FARSB: variants seen among roughly 807,000 people sequenced by gnomAD.
FARSB encodes phenylalanine--tRNA ligase beta subunit.
Under a neutral mutation model 69.6 loss-of-function variants are expected in FARSB, and 40 were observed. The ratio of observed to expected loss-of-function variants is 0.57; its 90% CI spans 0.45 to 0.75. FARSB has a LOEUF of 0.75. Among genes scored for constraint, FARSB ranks in the 30% least tolerant of loss-of-function variants. The pLI is 0.00. For synonymous variants in FARSB, 235 were observed against 247.2 expected (o/e 0.95, Z 0.46); for missense variants, 632 against 722.9 (o/e 0.87, Z 1.44).
At chr2:222,642,742 C>A (rs16863954) in intron 3 of FARSB, 109 bp downstream of exon 3, 1 of 738,836 alleles carries the variant, frequency 1.4e-6, no homozygotes, top group Admixed American at 2.6e-5. Flanking sequence ...GCTAAAGCTA[C>A]GTTCCTCTAC....
chr2:222,599,368 A>G (rs553830619), intron 16 of FARSB, among the ~76,000 whole-genome samples: 1 of 152,348 alleles, frequency 6.6e-6, no homozygotes, highest in African/African-American at 2.4e-5. Flanking sequence ...CATATATACC[A>G]TTTAGTTAGC....
At chr2:222,645,283 T>A (rs1263930114) in intron 2 of FARSB, among the ~76,000 whole-genome samples, 2 of 152,188 alleles carry the variant, frequency 1.3e-5, no homozygotes, top group East Asian at 3.8e-4. Flanking sequence ...AGAACTCAAA[T>A]AATCTAACAT....
chr2:222,619,594 T>G (rs753603341), intron 14 of FARSB, 51 bp downstream of exon 14: 1 of 873,336 alleles, frequency 1.1e-6, no homozygotes, highest in African/African-American at 1.6e-5. Context: ...TCCTAACTCA[T>G]GTACTACCTC....
intron 16 of FARSB, among the ~76,000 whole-genome samples, chr2:222,591,111 A>T (rs1690261617): frequency 6.6e-6 from 1 of 151,260 alleles, no homozygotes; most frequent in South Asian, 2.1e-4. Context: ...GGAGGCTGAG[A>T]TGGGAGGATC....
chr2:222,600,112 G>T, intron 15 of FARSB, 29 bp from the exon 16 acceptor site: 1 of 1,578,462 alleles, frequency 6.3e-7, no homozygotes, highest in South Asian at 1.2e-5. Flanking sequence ...TGGTCACAAC[G>T]CTGTATTAAC....
chr2:222,640,760 C>CA (rs948738271), intron 4 of FARSB, 102 bp downstream of exon 4: 6,087 of 555,714 alleles, frequency 0.011, no homozygotes, highest in South Asian at 0.013. Flanking sequence ...TGTCTCAAAA[C>CA]AAAAAAAAAA....
intron 1 of FARSB, among the ~76,000 whole-genome samples, chr2:222,649,595 T>C (rs913720952): frequency 6.6e-6 from 1 of 152,252 alleles, no homozygotes; most frequent in African/African-American, 2.4e-5. Context: ...TCTTGGTATC[T>C]TGTGTCAACA....
intron 16 of FARSB, among the ~76,000 whole-genome samples, chr2:222,592,077 A>C (rs1690287791): frequency 1.3e-5 from 2 of 152,352 alleles, no homozygotes; most frequent in South Asian, 4.1e-4. Flanking sequence ...GAATTAAAAT[A>C]TGATTTGTAA....
chr2:222,634,576 G>A (rs2106230676), intron 5 of FARSB, 35 bp from the exon 6 acceptor site: 3 of 1,526,192 alleles, frequency 2.0e-6, no homozygotes, highest in South Asian at 1.2e-5. Context: ...AAGGAGGGAG[G>A]AAAGGAAAGG....
At chr2:222,619,565 T>A (rs994119907) in intron 14 of FARSB, 80 bp downstream of exon 14, 2 of 711,464 alleles carry the variant, frequency 2.8e-6, no homozygotes, top group Non-Finnish European at 5.2e-6. Flanking sequence ...ATCTCAGGTA[T>A]AATAACTGAA....
At chr2:222,582,270 C>T (rs905472432) in intron 16 of FARSB, among the ~76,000 whole-genome samples, 1 of 152,164 alleles carries the variant, frequency 6.6e-6, no homozygotes, top group Non-Finnish European at 1.5e-5. Context: ...CTATATGCTG[C>T]TACAGAATCA....
At chr2:222,655,963 G>A in intron 1 of FARSB, 53 bp downstream of exon 1, 1 of 1,402,982 alleles carries the variant, frequency 7.1e-7, no homozygotes, top group Non-Finnish European at 9.9e-7. Flanking sequence ...TTTGGAGGGA[G>A]GCCCTGCCTC....
In FARSB at chr2:222,656,076, T is replaced by C. The variant is rs199603071; in HGVS notation, c.-3A>G. The C allele has an allele frequency of 2.2e-3, 3,535 of 1,593,284 alleles. 10 individuals carry two copies. Among genetic ancestry groups the C allele is most frequent in the Middle Eastern group, 0.012 (75 of 6,016 alleles). ...CGCTTCACGCTGACAGTCGGCATGG[T>C]GTGTCGAACTCACTGCGCCTGCGCA... On this transcript the variant is annotated 5_prime_UTR_variant, in exon 1 of 17. Transcript: ENST00000281828.
intron 1 of FARSB, among the ~76,000 whole-genome samples, chr2:222,651,898 CAAG>C (rs1395243060): frequency 6.6e-6 from 1 of 152,198 alleles, no homozygotes; most frequent in African/African-American, 2.4e-5. Flanking sequence ...GGGTGGAAAC[CAAG>C]AGCCTAGAGG....
intron 15 of FARSB, among the ~76,000 whole-genome samples, chr2:222,609,438 C>T (rs1406734757): frequency 6.6e-6 from 1 of 152,210 alleles, no homozygotes; most frequent in Non-Finnish European, 1.5e-5. Context: ...TTCAATGCTG[C>T]GTCTGCTGAC....
At chr2:222,632,069 T>C (rs79963714) in intron 7 of FARSB, among the ~76,000 whole-genome samples, 17,034 of 151,890 alleles carry the variant, frequency 0.11, 1,025 homozygotes, top group Non-Finnish European at 0.13. Flanking sequence ...CATGGTGCAA[T>C]GGCACGAGAG....
intron 15 of FARSB, 102 bp downstream of exon 15, chr2:222,613,709 G>T: frequency 1.4e-6 from 1 of 707,668 alleles, no homozygotes; most frequent in Non-Finnish European, 2.4e-6. Flanking sequence ...GTACATAGGG[G>T]CTAATTATAC....
chr2:222,632,852 AC>A (rs1288359579), intron 7 of FARSB, among the ~76,000 whole-genome samples: 19 of 151,858 alleles, frequency 1.3e-4, no homozygotes, highest in African/African-American at 3.9e-4. Flanking sequence ...AAAAAAAAAA[AC>A]AAAAGAAAAA....
At chr2:222,609,911 A>G (rs874363) in intron 15 of FARSB, among the ~76,000 whole-genome samples, 6,503 of 152,292 alleles carry the variant, frequency 0.043, 215 homozygotes, top group African/African-American at 0.094. Context: ...TTTGGAAGAC[A>G]TGCTTGCCCA....
Sources: allele counts gnomAD v4.1 joint callset (sites outside exome capture counted in the v4.1 genomes callset), GRCh38; gene constraint gnomAD v4.1.1; transcripts MANE v1.5; gene names NCBI Gene and HGNC (gene_info 2026-07-23, HGNC 2026-07-21).